COL26A1: variants seen among roughly 807,000 people sequenced by gnomAD.
COL26A1 encodes the protein collagen alpha-1(XXVI) chain.
Under a neutral mutation model 59.3 loss-of-function variants are expected in COL26A1, and 41 were observed. That is an observed-to-expected ratio of 0.69 (90% CI 0.54 to 0.90). The LOEUF (loss-of-function observed/expected upper bound fraction) is 0.90. Ranked by LOEUF, COL26A1 falls within the 40% of genes least tolerant of loss-of-function variation. The pLI, the probability that COL26A1 is intolerant of heterozygous loss-of-function variation, is 0.00. For missense variants in COL26A1, 612 were observed against 602.3 expected (o/e 1.02, Z -0.17); for synonymous variants, 266 against 256.0 (o/e 1.04, Z -0.37).
chr7:101,540,147 C>G (rs1795582633), intron 5 of COL26A1, 98 bp downstream of exon 5: 2 of 1,232,764 alleles, frequency 1.6e-6, no homozygotes, highest in Admixed American at 5.8e-5. Flanking sequence ...ACTAGACACT[C>G]TAGTTCCAAC....
chr7:101,466,837 T>TGTGTGTGTGTGTGAGA lies in COL26A1; in HGVS notation c.385+19051_385+19052insTGTGTGTGTGTGAGAG, dbSNP rs764059657. Among the ~76,000 whole-genome samples, 1,205 of 122,556 alleles carry TGTGTGTGTGTGTGAGA rather than the reference T, an allele frequency of 9.8e-3. 11 individuals carry two copies. The highest frequency in any genetic ancestry group is 0.015 in the Non-Finnish European group (856 of 57,606). 80.4% of individuals were successfully genotyped at this position (122,556 alleles called of 152,430 possible). A position where few individuals can be genotyped will look rare whatever the true frequency, so the allele number is the denominator to read the frequency against. On this transcript the variant is annotated intron_variant, in intron 3 of 12. Transcript: ENST00000313669. ...GTGTGTGTGTGTGTGTGTGTGTGTG[T>TGTGTGTGTGTGTGAGA]GAGAGAGAGAGATTCAGTCTCTGCC...
At chr7:101,452,126 G>A (rs1267805547) in intron 3 of COL26A1, among the ~76,000 whole-genome samples, 7 of 152,184 alleles carry the variant, frequency 4.6e-5, no homozygotes, top group African/African-American at 2.4e-5. Flanking sequence ...CATACGGCAC[G>A]TGGGCAGGCT....
chr7:101,506,279 A>G (rs60032151), intron 3 of COL26A1, among the ~76,000 whole-genome samples: 1 of 152,240 alleles, frequency 6.6e-6, no homozygotes, highest in Non-Finnish European at 1.5e-5. Context: ...TTGCAAGCAC[A>G]TGTTTTCTGC....
rs1177502295 is a variant in COL26A1 at position 101,489,601 on chromosome 7, T to TTTTCTTTCTTTCTTTC, written c.385+41861_385+41876dup. ...CACCACACTCGGCTATTTTCTTTCT[T>TTTTCTTTCTTTCTTTC]TTTCTTTCTTTCTTTCTTTCTTTCT... On this transcript the variant is annotated intron_variant, in intron 3 of 12. Coordinates refer to ENST00000313669, the MANE Select transcript of COL26A1 (RefSeq NM_001278563.3). Among the ~76,000 whole-genome samples, 198 of 105,232 alleles carry TTTTCTTTCTTTCTTTC rather than the reference T, an allele frequency of 1.9e-3. 25 individuals are homozygous for TTTTCTTTCTTTCTTTC. The highest frequency in any genetic ancestry group is 5.4e-3 in the East Asian group (15 of 2,790). The allele number at this position is 105,232 out of a possible 152,430, so 69.0% of individuals were successfully genotyped here. A position where few individuals can be genotyped will look rare whatever the true frequency, so the allele number is the denominator to read the frequency against.
chr7:101,520,663 C>CACACACACACACA (rs57784373), intron 3 of COL26A1, among the ~76,000 whole-genome samples: 9 of 139,122 alleles, frequency 6.5e-5, no homozygotes, highest in South Asian at 2.1e-4. Flanking sequence ...CACACACACA[C>CACACACACACACA]CCCCGTGTTC....
chr7:101,554,567 TAAAAAAAAAAA>T (rs57638079), intron 11 of COL26A1, among the ~76,000 whole-genome samples: 4 of 120,502 alleles, frequency 3.3e-5, no homozygotes, highest in Non-Finnish European at 6.8e-5. Flanking sequence ...CCCCATTTCT[TAAAAAAAAAAA>T]AAAAAAAAAA....
rs142884446 is a variant in COL26A1 at position 101,500,545 on chromosome 7, C to T, written c.386-32537C>T. On this transcript the variant is annotated intron_variant, in intron 3 of 12. Coordinates refer to ENST00000313669, the MANE Select transcript of COL26A1 (RefSeq NM_001278563.3). ...CTGATCTAAAATACCGGACCGGGCGCGGTGCCTCATGTCTGTAAACCCAGC... is the reference window on the plus strand; with the variant it reads ...CTGATCTAAAATACCGGACCGGGCGTGGTGCCTCATGTCTGTAAACCCAGC... 1.8e-3 allele frequency among the ~76,000 whole-genome samples: 279 copies of T among 152,298 alleles called. 1 individual carries two copies. Among genetic ancestry groups the T allele is most frequent in the African/African-American group, 6.1e-3 (254 of 41,562 alleles).
In COL26A1 at chr7:101,420,845, A is replaced by T. The variant is rs542979949; in HGVS notation, c.281+746A>T. 8.6e-5 allele frequency among the ~76,000 whole-genome samples: 13 copies of T among 151,556 alleles called. 1 individual carries two copies. Among genetic ancestry groups the T allele is most frequent in the Middle Eastern group, 6.8e-3 (2 of 294 alleles). On this transcript the variant is annotated intron_variant, in intron 2 of 12. Coordinates refer to ENST00000313669, the MANE Select transcript of COL26A1 (RefSeq NM_001278563.3). ...GGGACTCTTCAGCATCCGCAGAGAG[A>T]TCTTGCTGTCAGACACCAGCATTCA...
intron 1 of COL26A1, among the ~76,000 whole-genome samples, chr7:101,378,415 A>G (rs1463172001): frequency 6.6e-6 from 1 of 152,102 alleles, no homozygotes; most frequent in Admixed American, 6.6e-5. Context: ...AAATTTCCCT[A>G]TATGCATGAA....
At chr7:101,555,956 G>A (rs1795966572) in intron 12 of COL26A1, 85 bp downstream of exon 12, 2 of 1,185,390 alleles carry the variant, frequency 1.7e-6, no homozygotes. Context: ...GCTGCCTAGG[G>A]TCTCTGGTCT....
upstream of COL26A1, chr7:101,362,826 A>T: frequency 1.8e-6 from 1 of 556,966 alleles, no homozygotes; most frequent in African/African-American, 2.0e-5. Context: ...TTGACGGCTT[A>T]GAGCCCACCT....
intron 3 of COL26A1, among the ~76,000 whole-genome samples, chr7:101,497,296 G>C (rs769535948): frequency 1.6e-4 from 24 of 152,122 alleles, no homozygotes; most frequent in Non-Finnish European, 2.9e-4. Context: ...GGAGCGGGAG[G>C]CTCCTCCTGT....
chr7:101,537,486 C>T (rs1397323031), intron 4 of COL26A1, among the ~76,000 whole-genome samples: 3 of 152,216 alleles, frequency 2.0e-5, no homozygotes, highest in Non-Finnish European at 4.4e-5. Context: ...GGCTGCCCAC[C>T]CGGGTGAGCT....
At chr7:101,471,754 ATTTTTAGTAGAGATGGGGT>A (rs1793911872) in intron 3 of COL26A1, among the ~76,000 whole-genome samples, 1 of 151,164 alleles carries the variant, frequency 6.6e-6, no homozygotes, top group Non-Finnish European at 1.5e-5. Flanking sequence ...TCATTTTTGT[ATTTTTAGTAGAGATGGGGT>A]TTCACCATGT....
intron 1 of COL26A1, 27 bp downstream of exon 1, chr7:101,363,217 G>A: frequency 1.5e-6 from 2 of 1,320,670 alleles, no homozygotes; most frequent in African/African-American, 1.6e-5. Context: ...CGAGGGGCCG[G>A]GGGGTGGGGG....
chr7:101,536,939 A>T (rs1795495057), intron 4 of COL26A1, among the ~76,000 whole-genome samples: 1 of 151,750 alleles, frequency 6.6e-6, no homozygotes, highest in Admixed American at 6.6e-5. Context: ...ACCCAAACAG[A>T]CTCCTTACGT....
intron 1 of COL26A1, among the ~76,000 whole-genome samples, chr7:101,403,348 GTC>G (rs1436463389): frequency 5.3e-5 from 8 of 152,118 alleles, no homozygotes; most frequent in South Asian, 4.2e-4. Flanking sequence ...GCTCTACTAA[GTC>G]TCTACTAAAA....
intron 10 of COL26A1, among the ~76,000 whole-genome samples, chr7:101,552,907 CAAATAAAT>C (rs532001369): frequency 2.6e-5 from 4 of 152,116 alleles, no homozygotes; most frequent in Admixed American, 6.6e-5. Flanking sequence ...AACTCCATCT[CAAATAAAT>C]AAATAAATAA....
chr7:101,525,742 C>T (rs931656442), intron 3 of COL26A1, among the ~76,000 whole-genome samples: 19 of 152,150 alleles, frequency 1.2e-4, no homozygotes, highest in Non-Finnish European at 2.2e-4. Context: ...GTGATCCGCC[C>T]ACCTTGGCCT....
Sources: allele counts gnomAD v4.1 joint callset (sites outside exome capture counted in the v4.1 genomes callset), GRCh38; gene constraint gnomAD v4.1.1; transcripts MANE v1.5; gene names NCBI Gene and HGNC (gene_info 2026-07-23, HGNC 2026-07-21).